SYNE1: variants seen among roughly 807,000 people sequenced by gnomAD.
SYNE1 encodes the protein spectrin repeat containing nuclear envelope protein 1.
SYNE1 carries 616 observed loss-of-function variants against 1,111.0 expected under a neutral mutation model. The observed-to-expected ratio is 0.55, with a 90% CI of 0.52 to 0.59. The LOEUF (loss-of-function observed/expected upper bound fraction) is 0.59. Among genes scored for constraint, SYNE1 ranks in the 20% least tolerant of loss-of-function variants. SYNE1 has a pLI of 0.00. For missense variants in SYNE1, 10,006 were observed against 10,417.0 expected (o/e 0.96, Z 1.72); for synonymous variants, 3,855 against 3,825.8 (o/e 1.01, Z -0.28).
intron 126 of SYNE1, among the ~76,000 whole-genome samples, chr6:152,204,378 A>G (rs996628053): frequency 1.2e-4 from 18 of 148,816 alleles, no homozygotes; most frequent in African/African-American, 4.4e-4. Flanking sequence ...AAAAAAAAAA[A>G]AGAAAAAAAA....
In SYNE1 at chr6:152,135,112, G is replaced by A. The variant is rs2056762342; in HGVS notation, c.25780C>T (p.Gln8594Ter). Residue 8594 changes from glutamine (Q) to a stop codon, truncating the protein, a stop_gained, in exon 142 of 146, where the codon CAG becomes TAG. Transcript: ENST00000367255. LOFTEE classifies it high-confidence loss of function. ...DAEILQDHHK[Q>*]LMQIKHELLE... ...GAGTTCACACATCTTACCATAAGCT[G>A]TTTGTGATGGTCCTGAAGTATCTCT... The A allele has an allele frequency of 6.2e-7, 1 of 1,614,002 alleles. No individual in the cohort carries two copies. The highest frequency in any genetic ancestry group is 8.5e-7 in the Non-Finnish European group (1 of 1,180,012).
intron 2 of SYNE1, among the ~76,000 whole-genome samples, chr6:152,631,162 G>A (rs1330751752): frequency 6.6e-6 from 1 of 152,236 alleles, no homozygotes; most frequent in Non-Finnish European, 1.5e-5. Flanking sequence ...GGCTAAGCCA[G>A]TGTGGGTGTT....
intron 27 of SYNE1, among the ~76,000 whole-genome samples, chr6:152,450,252 T>C (rs763191240): frequency 3.3e-5 from 5 of 152,216 alleles, no homozygotes; most frequent in Non-Finnish European, 5.9e-5. Flanking sequence ...CTTCCCCTTC[T>C]GGCATGATTG....
At chr6:152,596,627 C>T (rs562124626) in intron 3 of SYNE1, among the ~76,000 whole-genome samples, 51 of 152,184 alleles carry the variant, frequency 3.4e-4, no homozygotes, top group African/African-American at 1.2e-3. Context: ...TGCATGGTGA[C>T]TGGGAGTGTT....
At chr6:152,135,490 A>C (rs2056852361) in intron 141 of SYNE1, among the ~76,000 whole-genome samples, 1 of 152,218 alleles carries the variant, frequency 6.6e-6, no homozygotes, top group South Asian at 2.1e-4. Flanking sequence ...TTTCTGAAAA[A>C]AGGGTAGTGC....
chr6:152,455,435 C>T lies in SYNE1; in HGVS notation c.2883G>A (p.Arg961=), dbSNP rs1400364043. Residue 961 remains arginine, a synonymous_variant, in exon 24 of 146, where the codon CGG becomes CGA. Coordinates refer to ENST00000367255, the MANE Select transcript of SYNE1 (RefSeq NM_182961.4). ...TAAAGGGTGGACTCACAGTGTGTCT[C>T]CGCAGGAGCTCCTCTGGATCCCCCT... ...EEKGDPEELL[R]RHTEFFSQLD... is the part of the protein sequence containing the mutation. 1 of 1,613,838 alleles carries T rather than the reference C, an allele frequency of 6.2e-7. No homozygotes were observed. The highest frequency in any genetic ancestry group is 8.5e-7 in the Non-Finnish European group (1 of 1,179,906).
chr6:152,329,581 A>AC lies in SYNE1; in HGVS notation c.14955+148dup. On this transcript the variant is annotated intron_variant, in intron 78 of 145. Transcript: ENST00000367255. Reference sequence around the variant, plus strand: ...AACAAAACGAAAAACAATTAAAATAACCATTTAAGTCACTGCTGAAGATGC... The same window carrying AC: ...AACAAAACGAAAAACAATTAAAATAACCCATTTAAGTCACTGCTGAAGATGC... 3.8e-6 allele frequency: 4 copies of AC among 1,044,788 alleles called. No homozygotes were observed. The South Asian group carries it at 6.1e-5, about 16-fold the overall frequency. 64.7% of individuals were successfully genotyped at this position (1,044,788 alleles called of 1,614,324 possible). A position where few individuals can be genotyped will look rare whatever the true frequency, so the allele number is the denominator to read the frequency against.
At chr6:152,211,949 C>T (rs539868809) in intron 123 of SYNE1, among the ~76,000 whole-genome samples, 20 of 151,586 alleles carry the variant, frequency 1.3e-4, no homozygotes, top group Non-Finnish European at 2.6e-4. Flanking sequence ...AGCTTAGGAC[C>T]GTTAAAGAAG....
At chr6:152,507,011 A>G (rs1268981582) in intron 8 of SYNE1, among the ~76,000 whole-genome samples, 1 of 152,172 alleles carries the variant, frequency 6.6e-6, no homozygotes, top group Non-Finnish European at 1.5e-5. Context: ...CCTAAAAACA[A>G]TTTTATGAGA....
At chr6:152,239,855 T>G in intron 107 of SYNE1, 149 bp from the exon 108 acceptor site, 1 of 820,394 alleles carries the variant, frequency 1.2e-6, no homozygotes, top group Non-Finnish European at 2.0e-6. Context: ...GGTCAAGAGC[T>G]CAAGACCAGC....
At chr6:152,568,563 G>A (rs1415397224) in intron 3 of SYNE1, among the ~76,000 whole-genome samples, 1 of 151,938 alleles carries the variant, frequency 6.6e-6, no homozygotes, top group South Asian at 2.1e-4. Flanking sequence ...TTGTGCTCCC[G>A]AAGTGCTGGG....
intron 121 of SYNE1, 21 bp downstream of exon 121, chr6:152,218,236 C>T: frequency 6.2e-7 from 1 of 1,613,564 alleles, no homozygotes; most frequent in East Asian, 2.2e-5. Flanking sequence ...AGATCTGGGA[C>T]TCAGATTTGA....
intron 18 of SYNE1, 125 bp from the exon 19 acceptor site, chr6:152,463,642 A>G: frequency 1.2e-6 from 1 of 864,324 alleles, no homozygotes; most frequent in Non-Finnish European, 1.9e-6. Flanking sequence ...GATAAATCAC[A>G]AATCTCTTTA....
chr6:152,164,098 A>G, intron 131 of SYNE1, 65 bp downstream of exon 131: 2 of 1,603,188 alleles, frequency 1.2e-6, no homozygotes, highest in Non-Finnish European at 1.7e-6. Context: ...TGCCCACCCC[A>G]TCATCCTGGC....
chr6:152,316,277 G>A (rs139696503), intron 87 of SYNE1: 7,321 of 159,800 alleles, frequency 0.046, 227 homozygotes, highest in Non-Finnish European at 0.061. Context: ...GGGAGGAGGC[G>A]GGAGATCTCC....
At chr6:152,333,770 T>C (rs2096307845) in intron 77 of SYNE1, among the ~76,000 whole-genome samples, 2 of 152,034 alleles carry the variant, frequency 1.3e-5, no homozygotes, top group Non-Finnish European at 2.9e-5. Flanking sequence ...GTAGCTGGGA[T>C]TACAAGCATG....
chr6:152,136,668 G>A lies in SYNE1; in HGVS notation c.25609C>T (p.Leu8537=), dbSNP rs1195603053. 6.2e-7 allele frequency: 1 copy of A among 1,614,134 alleles called. No homozygotes were observed. The stretch of plus-strand genomic sequence containing the variant: ...AGCAGGCCCCGCCACTCCTCCAGCA[G>A]AGAGCACACTCGGTCCCAGCGCCCA... The part of the protein sequence containing the change: ...MNGRWDRVCS[L]LEEWRGLLQD... Residue 8537 remains leucine, a synonymous_variant, in exon 141 of 146, where the codon CTG becomes TTG. Coordinates refer to ENST00000367255, the MANE Select transcript of SYNE1 (RefSeq NM_182961.4).
rs1440332950 is a variant in SYNE1, at chr6:152,330,841, T to C, written c.13844A>G (p.Tyr4615Cys). 6.2e-7 allele frequency: 1 copy of C among 1,614,146 alleles called. No individual in the cohort carries two copies. The change falls in exon 78 of 146, where the codon TAT (tyrosine) becomes TGT (cysteine). Residue 4615 changes from tyrosine to cysteine, a missense_variant. Physicochemically the swap from Tyr to Cys is radical, Grantham distance 194 (BLOSUM62 -2). Coordinates refer to ENST00000367255, the MANE Select transcript of SYNE1 (RefSeq NM_182961.4). ...CTGCAGCGTAAGTAGAAGATTTTCA[T>C]ATTCTGGAGATTGTTCAAGAATGTT... ...YQNILEQSPE[Y>C]ENLLLTLQRT... is the part of the protein sequence containing the mutation.
At chr6:152,232,851 A>C (rs1213930034) in intron 112 of SYNE1, among the ~76,000 whole-genome samples, 3 of 152,364 alleles carry the variant, frequency 2.0e-5, no homozygotes, top group Admixed American at 1.3e-4. Context: ...AACAAAAGCA[A>C]TCATTTAAAA....
Sources: gnomAD v4.1 joint callset for allele counts (sites outside exome capture counted in the v4.1 genomes callset) on GRCh38, gnomAD v4.1.1 for gene constraint, MANE v1.5 for transcripts, NCBI Gene and HGNC (gene_info 2026-07-23, HGNC 2026-07-21) for gene names.